The following FRMD5 variants were observed in gnomAD, a reference collection of about 807,000 sequenced individuals.
FRMD5 encodes the protein FERM domain containing 5, also known as FERM domain-containing protein 5.
Under a neutral mutation model 69.0 loss-of-function variants are expected in FRMD5, and 20 were observed. The ratio of observed to expected loss-of-function variants is 0.29; its 90% CI spans 0.20 to 0.42. The LOEUF is 0.42. FRMD5 is among the 10% of genes least tolerant of loss of function. The pLI, the probability that FRMD5 is intolerant of heterozygous loss-of-function variation, is 1.00. For synonymous variants in FRMD5, 271 were observed against 260.1 expected (o/e 1.04, Z -0.40); for missense variants, 595 against 708.6 (o/e 0.84, Z 1.82).
intron 1 of FRMD5, among the ~76,000 whole-genome samples, chr15:44,137,330 C>T (rs774635634): frequency 5.9e-5 from 9 of 152,210 alleles, no homozygotes; most frequent in Non-Finnish European, 1.3e-4. Flanking sequence ...AATAAGCTCC[C>T]ACCAGAATTG....
intron 1 of FRMD5, among the ~76,000 whole-genome samples, chr15:44,003,135 C>T (rs1302204620): frequency 1.3e-5 from 2 of 152,168 alleles, no homozygotes; most frequent in Non-Finnish European, 2.9e-5. Context: ...GGAGTCTTTA[C>T]TCTCTCTTTC....
intron 7 of FRMD5, among the ~76,000 whole-genome samples, chr15:43,898,277 G>A (rs1471490884): frequency 6.6e-6 from 1 of 151,764 alleles, no homozygotes; most frequent in African/African-American, 2.4e-5. Context: ...AGTACCTTTG[G>A]GCATTACTGT....
chr15:43,959,802 T>C (rs1209229002), intron 1 of FRMD5, among the ~76,000 whole-genome samples: 1 of 152,192 alleles, frequency 6.6e-6, no homozygotes, highest in Non-Finnish European at 1.5e-5. Flanking sequence ...GCAAATTCAA[T>C]GAGTGAATTT....
intron 1 of FRMD5, among the ~76,000 whole-genome samples, chr15:44,031,393 C>G (rs1372781475): frequency 6.6e-6 from 1 of 152,136 alleles, no homozygotes; most frequent in Non-Finnish European, 1.5e-5. Context: ...TTATAAACAA[C>G]AGAAATTTAT....
At chr15:44,031,060 C>G (rs1415323962) in intron 1 of FRMD5, among the ~76,000 whole-genome samples, 1 of 152,044 alleles carries the variant, frequency 6.6e-6, no homozygotes, top group East Asian at 1.9e-4. Context: ...GGCCAAGTGA[C>G]TAGATACTCA....
rs550242988 is a variant in FRMD5 at position 44,002,271 on chromosome 15, G to A, written c.103-77962C>T. 3.9e-5 allele frequency among the ~76,000 whole-genome samples: 6 copies of A among 152,214 alleles called. No individual in the cohort carries two copies. The East Asian group carries it at 5.8e-4, about 15-fold the overall frequency. On this transcript the variant is annotated intron_variant, in intron 1 of 13. Coordinates refer to ENST00000417257, the MANE Select transcript of FRMD5 (RefSeq NM_032892.5). Reference sequence around the variant, plus strand: ...GATCATTGTTATTGGAGGCTCATTCGTCACAGGCCTTCTCAGTAATGAAGT... The same window carrying A: ...GATCATTGTTATTGGAGGCTCATTCATCACAGGCCTTCTCAGTAATGAAGT...
intron 1 of FRMD5, among the ~76,000 whole-genome samples, chr15:43,952,825 G>A (rs2090057752): frequency 6.6e-6 from 1 of 152,252 alleles, no homozygotes; most frequent in Admixed American, 6.5e-5. Flanking sequence ...GTGAATGGGA[G>A]AAGAGGCAGA....
At chr15:44,060,718 T>TA (rs34627409) in intron 1 of FRMD5, among the ~76,000 whole-genome samples, 1 of 151,826 alleles carries the variant, frequency 6.6e-6, no homozygotes, top group African/African-American at 2.4e-5. Context: ...GACGACTGCC[T>TA]AAAAAAAGAA....
intron 1 of FRMD5, among the ~76,000 whole-genome samples, chr15:43,972,466 T>C (rs898667231): frequency 4.6e-5 from 7 of 152,162 alleles, no homozygotes; most frequent in African/African-American, 1.7e-4. Context: ...CGGTTACTAA[T>C]CTGATCTCTC....
intron 1 of FRMD5, among the ~76,000 whole-genome samples, chr15:43,986,781 T>C (rs1224125629): frequency 6.6e-6 from 1 of 151,878 alleles, no homozygotes; most frequent in Non-Finnish European, 1.5e-5. Flanking sequence ...TTGTGCTTTG[T>C]AGATATTGTG....
At chr15:43,970,755 C>T (rs1056936089) in intron 1 of FRMD5, among the ~76,000 whole-genome samples, 2 of 152,154 alleles carry the variant, frequency 1.3e-5, no homozygotes, top group East Asian at 3.8e-4. Context: ...ACCTGCCATA[C>T]CCCATCTATT....
intron 1 of FRMD5, among the ~76,000 whole-genome samples, chr15:44,148,397 G>A (rs1379581591): frequency 1.3e-5 from 2 of 151,632 alleles, no homozygotes; most frequent in East Asian, 3.9e-4. Context: ...TCAGCCTCCC[G>A]AGTAGCTGGG....
chr15:43,938,166 G>C (rs1266876640), intron 1 of FRMD5, among the ~76,000 whole-genome samples: 1 of 147,228 alleles, frequency 6.8e-6, no homozygotes, highest in African/African-American at 2.6e-5. Context: ...AGAAGGCAGA[G>C]CTTGCAGTGA....
chr15:44,114,737 C>G (rs143535856), intron 1 of FRMD5, among the ~76,000 whole-genome samples: 2 of 152,084 alleles, frequency 1.3e-5, no homozygotes, highest in Non-Finnish European at 2.9e-5. Flanking sequence ...ACCCTTATTC[C>G]ATGAATATTT....
intron 1 of FRMD5, among the ~76,000 whole-genome samples, chr15:44,052,394 T>C (rs116963308): frequency 6.6e-6 from 1 of 152,278 alleles, no homozygotes; most frequent in Non-Finnish European, 1.5e-5. Context: ...ATATTGTATA[T>C]TTCCTGTCCC....
intron 1 of FRMD5, among the ~76,000 whole-genome samples, chr15:43,924,882 T>C (rs2089555882): frequency 6.6e-6 from 1 of 152,146 alleles, no homozygotes; most frequent in African/African-American, 2.4e-5. Context: ...ATCAGGCACA[T>C]TGTAGGATAT....
intron 1 of FRMD5, among the ~76,000 whole-genome samples, chr15:44,000,302 T>C (rs1041683632): frequency 6.6e-6 from 1 of 152,054 alleles, no homozygotes; most frequent in African/African-American, 2.4e-5. Flanking sequence ...ACAATTTCTT[T>C]GTCCATTCTT....
chr15:44,151,085 C>G (rs867477189), intron 1 of FRMD5, among the ~76,000 whole-genome samples: 1 of 133,092 alleles, frequency 7.5e-6, no homozygotes, highest in Admixed American at 8.7e-5. Context: ...GAGCAAGACT[C>G]TGTCTCAAAA....
At chr15:44,193,485 T>C (rs1035691871) in intron 1 of FRMD5, among the ~76,000 whole-genome samples, 1 of 152,026 alleles carries the variant, frequency 6.6e-6, no homozygotes, top group Non-Finnish European at 1.5e-5. Context: ...GAACAAAAAG[T>C]AGTATTCCAC....
Sources: gnomAD v4.1 joint callset for allele counts (sites outside exome capture counted in the v4.1 genomes callset) on GRCh38, gnomAD v4.1.1 for gene constraint, MANE v1.5 for transcripts, NCBI Gene and HGNC (gene_info 2026-07-23, HGNC 2026-07-21) for gene names.